SFXN5: variants seen among roughly 807,000 people sequenced by gnomAD.
SFXN5 encodes the protein sideroflexin-5.
A neutral mutation model predicts 50.2 loss-of-function variants in SFXN5; 43 were observed. The ratio of observed to expected loss-of-function variants is 0.86; its 90% confidence interval spans 0.67 to 1.11. The LOEUF (loss-of-function observed/expected upper bound fraction) is 1.11, where lower values mean the gene tolerates loss of function less well. SFXN5 is among the 50% of genes least tolerant of loss of function. SFXN5 has a pLI of 0.00. For synonymous variants in SFXN5, 203 were observed against 185.8 expected, an observed-to-expected ratio of 1.09 and a Z score of -0.75; for missense variants, 463 against 454.1, an observed-to-expected ratio of 1.02 and a Z score of -0.18.
At chr2:73,061,750 C>G (rs766962069) in intron 1 of SFXN5, among the ~76,000 whole-genome samples, 2 of 150,292 alleles carry the variant, frequency 1.3e-5, no homozygotes, top group African/African-American at 5.0e-5. Context: ...CTTTAAATTG[C>G]TTTTGAAATT....
At chr2:73,064,371 C>G (rs573356247) in intron 1 of SFXN5, among the ~76,000 whole-genome samples, 1 of 152,350 alleles carries the variant, frequency 6.6e-6, no homozygotes, top group South Asian at 2.1e-4. Context: ...GATTCTATTG[C>G]TCTGGGTGTG....
intron 6 of SFXN5, among the ~76,000 whole-genome samples, chr2:73,017,298 T>C (rs1676286024): frequency 6.6e-6 from 1 of 151,980 alleles, no homozygotes; most frequent in African/African-American, 2.4e-5. Flanking sequence ...CTTTTATGAG[T>C]GTATCTTTTT....
At chr2:73,013,406 C>CATGTGT (rs770840973) in intron 6 of SFXN5, among the ~76,000 whole-genome samples, 10 of 139,718 alleles carry the variant, frequency 7.2e-5, no homozygotes, top group Non-Finnish European at 1.3e-4. Flanking sequence ...AGGGATATTT[C>CATGTGT]GTGTGTGTGT....
chr2:73,016,399 A>C (rs183498581), intron 6 of SFXN5, among the ~76,000 whole-genome samples: 1 of 152,292 alleles, frequency 6.6e-6, no homozygotes, highest in Admixed American at 6.5e-5. Flanking sequence ...ATATACAGTG[A>C]TTTTCAAGAT....
At chr2:72,988,461 CA>C (rs1672176472) in intron 9 of SFXN5, 113 bp from the exon 10 acceptor site, 2 of 903,170 alleles carry the variant, frequency 2.2e-6, no homozygotes, top group East Asian at 5.4e-5. Context: ...CATCTTTCCC[CA>C]CAACTGCACC....
chr2:72,989,898 T>G (rs2105591136), intron 9 of SFXN5, among the ~76,000 whole-genome samples: 1 of 152,332 alleles, frequency 6.6e-6, no homozygotes, highest in Non-Finnish European at 1.5e-5. Context: ...ACTCCTGGCC[T>G]GACGGGCCGG....
At chr2:73,027,903 C>T (rs530526074) in intron 3 of SFXN5, among the ~76,000 whole-genome samples, 1 of 152,186 alleles carries the variant, frequency 6.6e-6, no homozygotes, top group Non-Finnish European at 1.5e-5. Context: ...CTCAAGCAAT[C>T]CTCCCACTTC....
chr2:72,975,141 A>G (rs1266795206), intron 10 of SFXN5, among the ~76,000 whole-genome samples: 2 of 152,254 alleles, frequency 1.3e-5, no homozygotes, highest in African/African-American at 4.8e-5. Context: ...TGGCAAGCTC[A>G]GTGTTAAGTC....
intron 3 of SFXN5, among the ~76,000 whole-genome samples, chr2:73,028,679 G>A (rs772998742): frequency 3.3e-5 from 5 of 152,142 alleles, no homozygotes; most frequent in South Asian, 2.1e-4. Context: ...CAAATGATAC[G>A]GTCAGCTCTG....
chr2:72,984,835 G>A (rs1671705364), intron 10 of SFXN5, among the ~76,000 whole-genome samples: 1 of 152,114 alleles, frequency 6.6e-6, no homozygotes, highest in Non-Finnish European at 1.5e-5. Flanking sequence ...AGTTTGGTGT[G>A]GGGTCCAGGT....
chr2:72,991,043 G>A (rs1015221238), intron 9 of SFXN5, among the ~76,000 whole-genome samples: 3 of 152,224 alleles, frequency 2.0e-5, no homozygotes, highest in African/African-American at 7.2e-5. Flanking sequence ...CGGGGAACAG[G>A]AGCCATTCAC....
chr2:73,052,346 G>GTC (rs1681451359), intron 2 of SFXN5, among the ~76,000 whole-genome samples: 1 of 133,832 alleles, frequency 7.5e-6, no homozygotes, highest in South Asian at 2.4e-4. Context: ...GAGAGTGTGT[G>GTC]TGTGTGTGTA....
intron 7 of SFXN5, among the ~76,000 whole-genome samples, chr2:73,000,880 T>C (rs1262840952): frequency 6.6e-6 from 1 of 152,208 alleles, no homozygotes; most frequent in African/African-American, 2.4e-5. Context: ...AGCCCTACAA[T>C]TCTTTCAAAA....
At chr2:73,001,100 T>C (rs1673851372) in intron 7 of SFXN5, among the ~76,000 whole-genome samples, 1 of 152,222 alleles carries the variant, frequency 6.6e-6, no homozygotes, top group Admixed American at 6.5e-5. Flanking sequence ...GGGTCTGTGA[T>C]GCACTTCACA....
intron 2 of SFXN5, among the ~76,000 whole-genome samples, chr2:73,057,154 T>A (rs886877535): frequency 7.2e-5 from 11 of 152,144 alleles, no homozygotes; most frequent in Non-Finnish European, 1.0e-4. Flanking sequence ...ATTTTTTTTT[T>A]AAAAGATAGG....
At chr2:73,047,249 T>TATATACACAC (rs1680521066) in intron 2 of SFXN5, among the ~76,000 whole-genome samples, 10 of 19,324 alleles carry the variant, frequency 5.2e-4, no homozygotes, top group Admixed American at 1.1e-3. Context: ...AAAAAAAATA[T>TATATACACAC]ATATATATAT....
intron 10 of SFXN5, among the ~76,000 whole-genome samples, chr2:72,972,265 G>A (rs1437807074): frequency 6.6e-6 from 1 of 152,250 alleles, no homozygotes; most frequent in Non-Finnish European, 1.5e-5. Flanking sequence ...TCAGAGAAGA[G>A]GAGTGACTTA....
chr2:73,051,058 G>A (rs1681250124), intron 2 of SFXN5, among the ~76,000 whole-genome samples: 1 of 152,062 alleles, frequency 6.6e-6, no homozygotes, highest in African/African-American at 2.4e-5. Context: ...CTTTGTCACT[G>A]TAATAAGAAT....
rs945381843 is a variant in SFXN5, at chr2:72,992,912, G to A, written c.535-4564C>T. 8.5e-5 allele frequency among the ~76,000 whole-genome samples: 13 copies of A among 152,332 alleles called. No homozygotes were observed. The highest frequency in any genetic ancestry group is 2.9e-4 in the African/African-American group (12 of 41,568). On this transcript the variant is annotated intron_variant, in intron 9 of 13. Coordinates refer to ENST00000272433, the MANE Select transcript of SFXN5 (RefSeq NM_144579.3). The surrounding 1 kb of genome is among the most constrained non-coding windows in gnomAD (Gnocchi z 4.5). ...AGGCTCTGGCTACCTGTATGAGGAG[G>A]TGCCGTGAGGGAGTGGGCCCAAGGG...
Sources: gnomAD v4.1 joint callset for allele counts (sites outside exome capture counted in the v4.1 genomes callset) on GRCh38, gnomAD v4.1.1 for gene constraint, Gnocchi (gnomAD v3.1) non-coding constraint, MANE v1.5 for transcripts, NCBI Gene and HGNC (gene_info 2026-07-23, HGNC 2026-07-21) for gene names.